Variants in FTCDNL1 observed in about 807,000 individuals in gnomAD.
FTCDNL1 encodes the protein formiminotransferase cyclodeaminase N-terminal like, also known as formiminotransferase N-terminal subdomain-containing protein.
In FTCDNL1, 11 loss-of-function variants were observed where a neutral mutation model predicts 5.9. The ratio of observed to expected loss-of-function variants is 1.87; its 90% CI spans 1.18 to 3.10. The LOEUF is 3.10. FTCDNL1 is among the 30% of genes most tolerant of loss of function. The pLI, the probability that FTCDNL1 is intolerant of heterozygous loss-of-function variation, is 0.00. For synonymous variants in FTCDNL1, 58 were observed against 24.8 expected (o/e 2.34, Z -3.99); for missense variants, 115 against 65.5 (o/e 1.76, Z -2.61).
chr2:199,743,637 C>A, the FTCDNL1 span, among the ~76,000 whole-genome samples: 1 of 151,870 alleles, frequency 6.6e-6, no homozygotes, highest in Middle Eastern at 3.2e-3. Context: ...TGTGTGGAAC[C>A]TATGCACGTC....
At chr2:199,675,525 T>C in the FTCDNL1 span, among the ~76,000 whole-genome samples, 1 of 152,122 alleles carries the variant, frequency 6.6e-6, no homozygotes, top group Non-Finnish European at 1.5e-5. Context: ...AACTCAAAAT[T>C]ACAGTGCTTT....
At position 199,825,409 on chromosome 2, in the gene FTCDNL1, G is replaced by C. The variant is rs182219003; in HGVS notation, c.212-5652C>G. Among the ~76,000 whole-genome samples the C allele has an allele frequency of 4.6e-5, 7 of 152,298 alleles. No homozygotes were observed. The East Asian group carries it at 5.8e-4, about 13-fold the overall frequency. ...CTAGAGGTCAGGGATACAGTCAACTGAAGTTTAGGAATTGCAAGATAATGT... is the reference window on the plus strand; with the variant it reads ...CTAGAGGTCAGGGATACAGTCAACTCAAGTTTAGGAATTGCAAGATAATGT... On this transcript the variant is annotated intron_variant, in intron 3 of 4. Coordinates refer to ENST00000420128, the MANE Select transcript of FTCDNL1 (RefSeq NM_001363886.2).
chr2:199,821,287 T>C (rs979310179), intron 3 of FTCDNL1, among the ~76,000 whole-genome samples: 8 of 151,500 alleles, frequency 5.3e-5, no homozygotes, highest in Admixed American at 4.6e-4. Flanking sequence ...GTAGCTTGGA[T>C]TACAGGCACG....
At chr2:199,733,672 C>T in the FTCDNL1 span, among the ~76,000 whole-genome samples, 1 of 152,146 alleles carries the variant, frequency 6.6e-6, no homozygotes, top group African/African-American at 2.4e-5. Flanking sequence ...TAACAACAGG[C>T]AAGTTCTTCC....
At chr2:199,845,833 CAAA>C (rs750888679) in intron 3 of FTCDNL1, among the ~76,000 whole-genome samples, 30 of 100,348 alleles carry the variant, frequency 3.0e-4, no homozygotes, top group Admixed American at 4.3e-4. Flanking sequence ...TCACCTTCAG[CAAA>C]AAAAAAAAAA....
chr2:199,716,213 A>T, the FTCDNL1 span, among the ~76,000 whole-genome samples: 1 of 152,148 alleles, frequency 6.6e-6, no homozygotes, highest in Non-Finnish European at 1.5e-5. Flanking sequence ...TTTACTAAGT[A>T]TAAGGAAGTG....
chr2:199,717,986 C>CAA, the FTCDNL1 span, among the ~76,000 whole-genome samples: 5,253 of 142,390 alleles, frequency 0.037, 249 homozygotes, highest in East Asian at 0.27. Context: ...ACCAAAAAAA[C>CAA]AAAAAAAAAA....
At chr2:199,800,531 C>T (rs1388492598) in intron 3 of FTCDNL1, among the ~76,000 whole-genome samples, 1 of 152,174 alleles carries the variant, frequency 6.6e-6, no homozygotes, top group Non-Finnish European at 1.5e-5. Context: ...ACAAACTATA[C>T]ATTTTTTAAC....
chr2:199,842,332 T>C (rs957912967), intron 3 of FTCDNL1, among the ~76,000 whole-genome samples: 1 of 152,166 alleles, frequency 6.6e-6, no homozygotes, highest in African/African-American at 2.4e-5. Context: ...ACTCATTTCA[T>C]AACATTCCCA....
At chr2:199,806,507 AG>A (rs1480416087), downstream of FTCDNL1, among the ~76,000 whole-genome samples, 2 of 152,248 alleles carry the variant, frequency 1.3e-5, no homozygotes, top group African/African-American at 4.8e-5. Context: ...TGGCTCAGCC[AG>A]GGGGAATGAT....
At chr2:199,715,992 C>A in the FTCDNL1 span, among the ~76,000 whole-genome samples, 4 of 146,134 alleles carry the variant, frequency 2.7e-5, no homozygotes, top group South Asian at 4.3e-4. Context: ...GAAATATATC[C>A]CGCATGTGAA....
intron 3 of FTCDNL1, among the ~76,000 whole-genome samples, chr2:199,776,269 T>A (rs1393605764): frequency 1.3e-5 from 2 of 152,156 alleles, no homozygotes; most frequent in Non-Finnish European, 2.9e-5. Flanking sequence ...CAGGGCCATA[T>A]CTGTCATATA....
At chr2:199,738,134 T>A in the FTCDNL1 span, among the ~76,000 whole-genome samples, 611 of 152,330 alleles carry the variant, frequency 4.0e-3, 8 homozygotes, top group African/African-American at 0.014. Flanking sequence ...ATATTTTGAA[T>A]CATTTTAAGA....
chr2:199,703,772 T>C, the FTCDNL1 span, among the ~76,000 whole-genome samples: 6 of 152,318 alleles, frequency 3.9e-5, no homozygotes, highest in South Asian at 6.2e-4. Flanking sequence ...ATTGGGTGCA[T>C]GGAGCTTATT....
chr2:199,814,753 A>T (rs1488074307), intron 4 of FTCDNL1, among the ~76,000 whole-genome samples: 1 of 152,206 alleles, frequency 6.6e-6, no homozygotes, highest in African/African-American at 2.4e-5. Context: ...AATGATTTTT[A>T]AAAATAGGCT....
chr2:199,697,199 G>A, the FTCDNL1 span, among the ~76,000 whole-genome samples: 1 of 152,146 alleles, frequency 6.6e-6, no homozygotes, highest in African/African-American at 2.4e-5. Context: ...GTGAACCTGG[G>A]AGGCAGAGCT....
chr2:199,753,708 A>G, the FTCDNL1 span, among the ~76,000 whole-genome samples: 1 of 152,180 alleles, frequency 6.6e-6, no homozygotes, highest in East Asian at 1.9e-4. Context: ...AAGAGGAGAG[A>G]TGCTTCCTTA....
the FTCDNL1 span, among the ~76,000 whole-genome samples, chr2:199,749,060 C>T: frequency 6.6e-6 from 1 of 152,184 alleles, no homozygotes. Context: ...ATATGGGGAG[C>T]ACCTGCTTTT....
chr2:199,696,327 C>T, the FTCDNL1 span, among the ~76,000 whole-genome samples: 2 of 152,216 alleles, frequency 1.3e-5, no homozygotes, highest in African/African-American at 4.8e-5. Flanking sequence ...GCAGCCAGTG[C>T]ACATGAACAT....
Sources: gnomAD v4.1 joint callset for allele counts (sites outside exome capture counted in the v4.1 genomes callset) on GRCh38, gnomAD v4.1.1 for gene constraint, MANE v1.5 for transcripts, NCBI Gene and HGNC (gene_info 2026-07-23, HGNC 2026-07-21) for gene names.